ULK4: variants seen among roughly 807,000 people sequenced by gnomAD.
ULK4 encodes inactive serine/threonine-protein kinase ULK4.
Under a neutral mutation model 160.6 loss-of-function variants are expected in ULK4, and 133 were observed. The observed-to-expected ratio is 0.83, with a 90% confidence interval of 0.72 to 0.96. The LOEUF (loss-of-function observed/expected upper bound fraction) is 0.96. Among genes scored for constraint, ULK4 ranks in the 40% least tolerant of loss-of-function variants. The probability of loss-of-function intolerance (pLI) is 0.00; values close to 1 mark genes in which losing one functional copy is unlikely to be tolerated. For synonymous variants in ULK4, 534 were observed against 539.8 expected (o/e 0.99, Z 0.15); for missense variants, 1,580 against 1,499.5 (o/e 1.05, Z -0.89).
At chr3:41,578,725 A>G (rs559076425) in intron 31 of ULK4, among the ~76,000 whole-genome samples, 5 of 152,296 alleles carry the variant, frequency 3.3e-5, no homozygotes, top group South Asian at 4.1e-4. Context: ...AAGGTTTGGA[A>G]GAAGGGACTA....
chr3:41,915,854 C>A, intron 8 of ULK4, 123 bp downstream of exon 8: 1 of 658,812 alleles, frequency 1.5e-6, no homozygotes, highest in Non-Finnish European at 2.6e-6. Context: ...AAGAACAGCA[C>A]CATTTTAGAA....
At chr3:41,768,069 C>A (rs2039227250) in intron 21 of ULK4, among the ~76,000 whole-genome samples, 1 of 152,044 alleles carries the variant, frequency 6.6e-6, no homozygotes, top group South Asian at 2.1e-4. Context: ...GGAGTGTGAA[C>A]CCTATTGTGA....
intron 32 of ULK4, among the ~76,000 whole-genome samples, chr3:41,503,533 T>C: frequency 6.6e-6 from 1 of 152,212 alleles, no homozygotes; most frequent in Non-Finnish European, 1.5e-5. Flanking sequence ...GACCTAAAGA[T>C]GACCTAGGAA....
intron 27 of ULK4, among the ~76,000 whole-genome samples, chr3:41,694,834 GT>G (rs1227008785): frequency 6.6e-6 from 1 of 152,048 alleles, no homozygotes; most frequent in Non-Finnish European, 1.5e-5. Flanking sequence ...TTTATCTGCT[GT>G]TGGTTGAATC....
chr3:41,290,735 A>G (rs565481458), intron 35 of ULK4, among the ~76,000 whole-genome samples: 1 of 152,334 alleles, frequency 6.6e-6, no homozygotes, highest in South Asian at 2.1e-4. Context: ...CCTGTGGGAA[A>G]GGACTGTGGT....
At chr3:41,855,340 G>A (rs2042310777) in intron 17 of ULK4, among the ~76,000 whole-genome samples, 1 of 152,194 alleles carries the variant, frequency 6.6e-6, no homozygotes, top group Non-Finnish European at 1.5e-5. Context: ...AACCAAGCCA[G>A]AGGCATATAA....
chr3:41,344,794 A>G (rs1453623791), intron 35 of ULK4, among the ~76,000 whole-genome samples: 1 of 150,610 alleles, frequency 6.6e-6, no homozygotes, highest in Non-Finnish European at 1.5e-5. Flanking sequence ...GACAAATGGG[A>G]TCTAATTAAA....
intron 2 of ULK4, among the ~76,000 whole-genome samples, chr3:41,949,940 T>C (rs148297676): frequency 0.056 from 8,569 of 151,844 alleles, 444 homozygotes; most frequent in East Asian, 0.16. Flanking sequence ...TTCACCATGT[T>C]GCCCAGGCTG....
chr3:41,605,017 C>T (rs2125668847), intron 31 of ULK4, among the ~76,000 whole-genome samples: 1 of 152,068 alleles, frequency 6.6e-6, no homozygotes, highest in Non-Finnish European at 1.5e-5. Flanking sequence ...GATCTGTGAT[C>T]CTTTATGTTC....
intron 29 of ULK4, among the ~76,000 whole-genome samples, chr3:41,667,041 C>A (rs573331743): frequency 6.6e-6 from 1 of 151,970 alleles, no homozygotes; most frequent in East Asian, 1.9e-4. Context: ...ATAGTACTAG[C>A]TATTCAGGAG....
Position 41,522,458 on chromosome 3 carries a change from T to C in ULK4, c.3226+43567A>G, listed in dbSNP as rs553806029. Among the ~76,000 whole-genome samples the C allele has an allele frequency of 3.9e-5, 6 of 152,228 alleles. No homozygotes were observed. In the East Asian group the frequency reaches 1.2e-3, roughly 29 times the overall value. ...TGCCTGGCCAAATGTCTTCTTCTTT[T>C]ACATTAAAAAAACACCTTTTCTGAT... On this transcript the variant is annotated intron_variant, in intron 32 of 36. Coordinates refer to ENST00000301831, the MANE Select transcript of ULK4 (RefSeq NM_017886.4).
chr3:41,474,489 C>T (rs889645766), intron 32 of ULK4, among the ~76,000 whole-genome samples: 5 of 151,592 alleles, frequency 3.3e-5, no homozygotes, highest in Admixed American at 3.3e-4. Flanking sequence ...GTGCAGGCAA[C>T]AAAAGCAAAA....
At chr3:41,454,107 C>G (rs141655824) in intron 34 of ULK4, among the ~76,000 whole-genome samples, 1,491 of 148,494 alleles carry the variant, frequency 0.01, 66 homozygotes, top group Admixed American at 0.076. Flanking sequence ...AGCACACCAA[C>G]ATGGCACATG....
chr3:41,567,190 C>G (rs1163106772), intron 31 of ULK4, among the ~76,000 whole-genome samples: 2 of 152,070 alleles, frequency 1.3e-5, no homozygotes, highest in African/African-American at 4.8e-5. Flanking sequence ...TAACGTATAG[C>G]TATTTTGTGC....
intron 31 of ULK4, among the ~76,000 whole-genome samples, chr3:41,576,001 T>G (rs1406940783): frequency 2.0e-5 from 3 of 152,206 alleles, no homozygotes; most frequent in African/African-American, 7.2e-5. Flanking sequence ...TCCCTGGGGA[T>G]GGACTGTGCC....
chr3:41,397,953 G>A, intron 35 of ULK4, 126 bp downstream of exon 35: 1 of 1,000,696 alleles, frequency 1.0e-6, no homozygotes, highest in Non-Finnish European at 1.5e-6. Context: ...AAGGTGACTG[G>A]GAGTTCTTGA....
chr3:41,359,063 C>T (rs1056229988), intron 35 of ULK4, among the ~76,000 whole-genome samples: 4 of 152,134 alleles, frequency 2.6e-5, no homozygotes, highest in African/African-American at 9.7e-5. Flanking sequence ...TTCCCTCACT[C>T]CCTTCAGGCC....
chr3:41,953,954 T>C (rs1402383626), intron 2 of ULK4, among the ~76,000 whole-genome samples: 2 of 151,770 alleles, frequency 1.3e-5, no homozygotes, highest in East Asian at 1.9e-4. Flanking sequence ...GAGGCCAAGG[T>C]GGGCGGATCA....
intron 22 of ULK4, among the ~76,000 whole-genome samples, chr3:41,724,644 A>T (rs919294297): frequency 3.3e-5 from 5 of 151,832 alleles, no homozygotes; most frequent in African/African-American, 1.2e-4. Flanking sequence ...AATGGCGTGA[A>T]CCCGGGAGGC....
Sources: allele counts gnomAD v4.1 joint callset (sites outside exome capture counted in the v4.1 genomes callset), GRCh38; gene constraint gnomAD v4.1.1; transcripts MANE v1.5; gene names NCBI Gene and HGNC (gene_info 2026-07-23, HGNC 2026-07-21).